Variants in CMSS1 observed in about 807,000 individuals in gnomAD.
CMSS1 encodes the protein protein CMSS1.
CMSS1 carries 33 observed loss-of-function variants against 43.5 expected under a neutral mutation model. That is an observed-to-expected ratio of 0.76 (90% CI 0.57 to 1.01). The LOEUF (loss-of-function observed/expected upper bound fraction) is 1.01, where lower values mean the gene tolerates loss of function less well. Ranked by LOEUF, CMSS1 falls within the 50% of genes least tolerant of loss-of-function variation. The probability of loss-of-function intolerance (pLI) is 0.00; values close to 1 mark genes in which losing one functional copy is unlikely to be tolerated. For synonymous variants in CMSS1, 115 were observed against 117.2 expected (o/e 0.98, Z 0.12); for missense variants, 313 against 326.4 (o/e 0.96, Z 0.32).
intron 1 of CMSS1, among the ~76,000 whole-genome samples, chr3:99,881,803 G>A (rs1028742857): frequency 2.0e-5 from 3 of 152,132 alleles, no homozygotes; most frequent in African/African-American, 7.2e-5. Flanking sequence ...AAAGTGCTGG[G>A]ATTATAGGCG....
intron 1 of CMSS1, among the ~76,000 whole-genome samples, chr3:99,828,058 G>T (rs1942569631): frequency 6.6e-6 from 1 of 152,192 alleles, no homozygotes; most frequent in South Asian, 2.1e-4. Flanking sequence ...CGTATTTTGT[G>T]CTTCATTTCA....
intron 3 of CMSS1, among the ~76,000 whole-genome samples, chr3:100,161,573 TCA>T (rs1299528253): frequency 6.6e-6 from 1 of 151,862 alleles, no homozygotes; most frequent in Non-Finnish European, 1.5e-5. Flanking sequence ...AAATCTGGGG[TCA>T]GGGGTGGGGA....
intron 1 of CMSS1, among the ~76,000 whole-genome samples, chr3:100,043,837 A>C (rs1376917304): frequency 6.6e-6 from 1 of 152,190 alleles, no homozygotes; most frequent in Non-Finnish European, 1.5e-5. Flanking sequence ...TCCTTTTAGC[A>C]ATTTTGAAAT....
At chr3:100,086,629 A>T (rs970480107) in intron 1 of CMSS1, among the ~76,000 whole-genome samples, 7 of 152,250 alleles carry the variant, frequency 4.6e-5, no homozygotes, top group African/African-American at 1.7e-4. Context: ...GAATCATTGC[A>T]GCAATTTAGT....
chr3:99,956,291 G>A (rs925056095), intron 1 of CMSS1, among the ~76,000 whole-genome samples: 1 of 151,962 alleles, frequency 6.6e-6, no homozygotes, highest in Non-Finnish European at 1.5e-5. Flanking sequence ...CTTTACACAT[G>A]TTCTCCTTTT....
intron 1 of CMSS1, among the ~76,000 whole-genome samples, chr3:99,845,797 T>A (rs1289647529): frequency 6.6e-6 from 1 of 152,224 alleles, no homozygotes; most frequent in Non-Finnish European, 1.5e-5. Flanking sequence ...ACGTTATTAA[T>A]CTGTCTCCTA....
At chr3:99,945,901 T>G (rs1559698851) in intron 1 of CMSS1, among the ~76,000 whole-genome samples, 1 of 152,226 alleles carries the variant, frequency 6.6e-6, no homozygotes, top group Non-Finnish European at 1.5e-5. Context: ...GCCCTTGGGC[T>G]TAGAAGTGCC....
At chr3:100,085,077 G>T (rs936553848) in intron 1 of CMSS1, among the ~76,000 whole-genome samples, 1 of 152,102 alleles carries the variant, frequency 6.6e-6, no homozygotes, top group Non-Finnish European at 1.5e-5. Flanking sequence ...AAACTAAGCC[G>T]TATCCCCTAA....
chr3:99,973,031 T>C (rs1234322387), intron 1 of CMSS1, among the ~76,000 whole-genome samples: 2 of 152,174 alleles, frequency 1.3e-5, no homozygotes, highest in Non-Finnish European at 2.9e-5. Context: ...AAAGCTCCCC[T>C]TTTATCTGTT....
chr3:99,859,138 G>A (rs568362909), intron 1 of CMSS1, among the ~76,000 whole-genome samples: 2 of 152,360 alleles, frequency 1.3e-5, no homozygotes, highest in African/African-American at 4.8e-5. Context: ...AAACCACTAA[G>A]TTGCCTGGTT....
chr3:100,071,058 GGTTT>G (rs1296196814), intron 1 of CMSS1, among the ~76,000 whole-genome samples: 4 of 139,842 alleles, frequency 2.9e-5, no homozygotes, highest in East Asian at 2.2e-4. Context: ...AAAAGAAAGG[GGTTT>G]GTTTGTTTTT....
intron 1 of CMSS1, among the ~76,000 whole-genome samples, chr3:99,957,374 C>G (rs1708349592): frequency 6.6e-6 from 1 of 152,068 alleles, no homozygotes; most frequent in Non-Finnish European, 1.5e-5. Context: ...GACTTGAAGC[C>G]AGAATGTTGT....
At chr3:100,141,775 T>C (rs2066807636) in intron 1 of CMSS1, 5 of 340,978 alleles carry the variant, frequency 1.5e-5, no homozygotes, top group South Asian at 9.6e-5. Flanking sequence ...TCTTTTTTTT[T>C]AAGTAGACTC....
intron 1 of CMSS1, among the ~76,000 whole-genome samples, chr3:99,928,277 G>C (rs566085705): frequency 2.6e-5 from 4 of 152,292 alleles, no homozygotes; most frequent in African/African-American, 9.6e-5. Context: ...CTAGACCGAG[G>C]AAAAGGATAG....
intron 1 of CMSS1, among the ~76,000 whole-genome samples, chr3:99,828,916 TATCATCCCTCTCAATGCTGCCC>T (rs879859859): frequency 2.6e-5 from 4 of 151,180 alleles, no homozygotes; most frequent in Admixed American, 6.6e-5. Context: ...CAATGCTGCC[TATCATCCCTCTCAATGCTGCCC>T]ATCATCCCTC....
rs767246351 is a variant in CMSS1, at chr3:100,080,970, A to G, written c.65-66003A>G. Among the ~76,000 whole-genome samples the G allele has an allele frequency of 3.3e-5, 5 of 152,362 alleles. No individual in the cohort carries two copies. The South Asian group carries it at 1.0e-3, about 32-fold the overall frequency. On this transcript the variant is annotated intron_variant, in intron 1 of 9. Transcript: ENST00000421999. ...GGTTTTAGGTCTGTGTTTGCAGAAG[A>G]TAAAAAGGAGTCATGTATTTATGTC...
chr3:100,160,574 T>G, intron 3 of CMSS1, 73 bp downstream of exon 3: 1 of 732,720 alleles, frequency 1.4e-6, no homozygotes, highest in Non-Finnish European at 2.3e-6. Context: ...TCATACTTTC[T>G]TGAGGCAACT....
intron 1 of CMSS1, among the ~76,000 whole-genome samples, chr3:100,140,084 T>G (rs1429020355): frequency 1.3e-5 from 2 of 152,200 alleles, no homozygotes; most frequent in Non-Finnish European, 1.5e-5. Flanking sequence ...TATATGTAAA[T>G]TATTCCTCAA....
chr3:100,098,803 C>T (rs561131150), intron 1 of CMSS1, among the ~76,000 whole-genome samples: 2 of 152,122 alleles, frequency 1.3e-5, no homozygotes, highest in Non-Finnish European at 2.9e-5. Flanking sequence ...CTTTCTTAAA[C>T]TAGGAAAATA....
Sources: gnomAD v4.1 joint callset for allele counts (sites outside exome capture counted in the v4.1 genomes callset) on GRCh38, gnomAD v4.1.1 for gene constraint, MANE v1.5 for transcripts, NCBI Gene and HGNC (gene_info 2026-07-23, HGNC 2026-07-21) for gene names.